The following TENM3 variants were observed in gnomAD, a reference collection of about 807,000 sequenced individuals.
The protein encoded by TENM3 is teneurin-3.
Under a neutral mutation model 255.1 loss-of-function variants are expected in TENM3, and 63 were observed. The ratio of observed to expected loss-of-function variants is 0.25; its 90% CI spans 0.20 to 0.30. The LOEUF (loss-of-function observed/expected upper bound fraction) is 0.30, where lower values mean the gene tolerates loss of function less well. Ranked by LOEUF, TENM3 falls within the 10% of genes least tolerant of loss-of-function variation. The pLI is 1.00. For missense variants in TENM3, 2,929 were observed against 3,461.1 expected (o/e 0.85, Z 3.86); for synonymous variants, 1,306 against 1,322.3 (o/e 0.99, Z 0.27).
At chr4:182,633,158 C>T (rs982120566) in intron 5 of TENM3, among the ~76,000 whole-genome samples, 1 of 152,106 alleles carries the variant, frequency 6.6e-6, no homozygotes, top group African/African-American at 2.4e-5. Context: ...TCTCAAACTC[C>T]TAGGATCAAG....
At chr4:182,444,600 T>G (rs1281934644) in intron 3 of TENM3, among the ~76,000 whole-genome samples, 1 of 152,222 alleles carries the variant, frequency 6.6e-6, no homozygotes. Flanking sequence ...ATACTAATAT[T>G]GGCCTATTTG....
chr4:182,299,779 G>C (rs556051672), intron 1 of TENM3, among the ~76,000 whole-genome samples: 16 of 151,816 alleles, frequency 1.1e-4, no homozygotes, highest in Non-Finnish European at 5.9e-5. Flanking sequence ...AGGACGGGGG[G>C]AGGGAGGGAA....
At chr4:182,058,584 T>C in the TENM3 span, among the ~76,000 whole-genome samples, 5 of 148,434 alleles carry the variant, frequency 3.4e-5, no homozygotes, top group African/African-American at 1.2e-4. Flanking sequence ...AACTTTTTTC[T>C]TTAAAGAAGA....
intron 22 of TENM3, among the ~76,000 whole-genome samples, chr4:182,767,709 G>A (rs912869319): frequency 8.5e-5 from 13 of 152,160 alleles, no homozygotes; most frequent in African/African-American, 2.9e-4. Context: ...AGTCCTTCAT[G>A]TGAGTTCTTA....
the TENM3 span, among the ~76,000 whole-genome samples, chr4:181,791,150 G>A: frequency 4.6e-5 from 7 of 152,172 alleles, no homozygotes; most frequent in Non-Finnish European, 7.3e-5. Flanking sequence ...TGCTTGGTGG[G>A]CAAATTGCCC....
chr4:182,248,315 T>C (rs1300644499), intron 1 of TENM3, among the ~76,000 whole-genome samples: 2 of 152,180 alleles, frequency 1.3e-5, no homozygotes, highest in African/African-American at 4.8e-5. Flanking sequence ...TCAATAGTCT[T>C]AGCCTTATTG....
intron 1 of TENM3, among the ~76,000 whole-genome samples, chr4:182,281,303 A>G (rs992059253): frequency 2.6e-5 from 4 of 152,218 alleles, no homozygotes; most frequent in African/African-American, 9.7e-5. Flanking sequence ...TGTCACTTTA[A>G]TAACAGATAT....
chr4:181,594,829 C>G, the TENM3 span, among the ~76,000 whole-genome samples: 1 of 152,312 alleles, frequency 6.6e-6, no homozygotes, highest in Admixed American at 6.5e-5. Flanking sequence ...CACCCACACA[C>G]ATCTCACAAA....
At chr4:181,493,654 G>GGAGGCACAGGAGCCAA in the TENM3 span, among the ~76,000 whole-genome samples, 2 of 152,058 alleles carry the variant, frequency 1.3e-5, no homozygotes, top group Non-Finnish European at 2.9e-5. Flanking sequence ...GGCTGAGGCA[G>GGAGGCACAGGAGCCAA]GAGGCACAGG....
At chr4:181,476,880 C>A in the TENM3 span, among the ~76,000 whole-genome samples, 1 of 152,156 alleles carries the variant, frequency 6.6e-6, no homozygotes, top group Admixed American at 6.5e-5. Context: ...ATTTGGCACT[C>A]ATCTCTCCAA....
chr4:182,694,682 A>G (rs539902164), intron 12 of TENM3, among the ~76,000 whole-genome samples: 33 of 152,240 alleles, frequency 2.2e-4, no homozygotes, highest in Non-Finnish European at 3.8e-4. Flanking sequence ...TTGCTCAGAC[A>G]AAACTCACAC....
At chr4:182,046,776 CT>C in the TENM3 span, among the ~76,000 whole-genome samples, 1 of 152,064 alleles carries the variant, frequency 6.6e-6, no homozygotes, top group African/African-American at 2.4e-5. Context: ...ACAATAATTT[CT>C]GCCTATTACT....
In TENM3 at chr4:182,159,447, A is replaced by AGTGTGT. The variant is rs67981646; in HGVS notation, c.-76+14726_-76+14731dup. ...CAGTGAGCAATGGATAGTGTGTATGAGTGTGTGTGTGTGTGTGTGTGTGTG... is the reference window on the plus strand; with the variant it reads ...CAGTGAGCAATGGATAGTGTGTATGAGTGTGTGTGTGTGTGTGTGTGTGTGTGTGTG... On this transcript the variant is annotated intron_variant, in intron 1 of 2. Transcript: ENST00000512480. 6.0e-3 allele frequency among the ~76,000 whole-genome samples: 789 copies of AGTGTGT among 130,760 alleles called. 4 individuals carry two copies. Among genetic ancestry groups the AGTGTGT allele is most frequent in the African/African-American group, 0.022 (743 of 33,200 alleles). The allele number at this position is 130,760 out of a possible 152,430, so 85.8% of individuals were successfully genotyped here. A position where few individuals can be genotyped will look rare whatever the true frequency, so the allele number is the denominator to read the frequency against.
intron 3 of TENM3, among the ~76,000 whole-genome samples, chr4:182,519,659 T>C (rs559515946): frequency 6.6e-6 from 1 of 152,216 alleles, no homozygotes; most frequent in Non-Finnish European, 1.5e-5. Context: ...CTCTTTCTGC[T>C]GTAGCACAGT....
intron 3 of TENM3, among the ~76,000 whole-genome samples, chr4:182,372,423 T>A (rs1177072096): frequency 1.3e-5 from 2 of 152,234 alleles, no homozygotes; most frequent in African/African-American, 2.4e-5. Flanking sequence ...TGCAGTTTTG[T>A]TACTAATAAC....
At chr4:181,605,480 GAGAAAGAAAGAAAGAAAGAAAGAA>G in the TENM3 span, among the ~76,000 whole-genome samples, 1,227 of 63,806 alleles carry the variant, frequency 0.019, 52 homozygotes, top group African/African-American at 0.034. Flanking sequence ...GAGAGAAACA[GAGAAAGAAAGAAAGAAAGAAAGAA>G]AGAAAGAAAG....
rs80049054 is a variant in TENM3 at position 182,445,909 on chromosome 4, GA to G, written c.511+98981del. On this transcript the variant is annotated intron_variant, in intron 3 of 27. Coordinates refer to ENST00000511685, the MANE Select transcript of TENM3 (RefSeq NM_001080477.4). ...GATATCCATAATGCTAATTATCTCT[GA>G]CATCATCGATATGGCAAACTATAGT... Among the ~76,000 whole-genome samples, 417 of 152,268 alleles carry G rather than the reference GA, an allele frequency of 2.7e-3. 13 individuals carry two copies. In the East Asian group the frequency reaches 0.07, roughly 25 times the overall value.
the TENM3 span, among the ~76,000 whole-genome samples, chr4:181,971,276 C>T: frequency 6.6e-6 from 1 of 152,178 alleles, no homozygotes; most frequent in Non-Finnish European, 1.5e-5. Context: ...CTGTTTGCCC[C>T]TTCATACTCT....
At chr4:182,666,903 A>G (rs1754736803) in intron 6 of TENM3, among the ~76,000 whole-genome samples, 1 of 150,650 alleles carries the variant, frequency 6.6e-6, no homozygotes, top group Admixed American at 6.6e-5. Flanking sequence ...CCCTGTCTCA[A>G]AAAAAAAAGG....
Sources: allele counts gnomAD v4.1 joint callset (sites outside exome capture counted in the v4.1 genomes callset), GRCh38; gene constraint gnomAD v4.1.1; transcripts MANE v1.5; gene names NCBI Gene and HGNC (gene_info 2026-07-23, HGNC 2026-07-21).